Variants in TMEM132D observed in about 807,000 individuals in gnomAD.
The protein encoded by TMEM132D is transmembrane protein 132D, also known as mature OL transmembrane protein.
TMEM132D carries 21 observed loss-of-function variants against 62.3 expected under a neutral mutation model. That is an observed-to-expected ratio of 0.34 (90% CI 0.24 to 0.49). The LOEUF is 0.49. TMEM132D is among the 20% of genes least tolerant of loss of function. The pLI is 0.99. For missense variants in TMEM132D, 1,346 were observed against 1,402.8 expected, an observed-to-expected ratio of 0.96 and a Z score of 0.65; for synonymous variants, 621 against 575.6, an observed-to-expected ratio of 1.08 and a Z score of -1.13.
chr12:129,621,071 T>C (rs941459640), intron 2 of TMEM132D, among the ~76,000 whole-genome samples: 2 of 152,024 alleles, frequency 1.3e-5, no homozygotes, highest in Non-Finnish European at 2.9e-5. Flanking sequence ...CAAGTGGAGG[T>C]TGACACCCCT....
chr12:129,705,255 G>A (rs1013142554), intron 1 of TMEM132D, among the ~76,000 whole-genome samples: 24 of 152,162 alleles, frequency 1.6e-4, no homozygotes, highest in Admixed American at 1.1e-3. Flanking sequence ...AAACATTCCC[G>A]GGTTTATATA....
intron 2 of TMEM132D, among the ~76,000 whole-genome samples, chr12:129,618,799 C>G (rs1878987512): frequency 6.6e-6 from 1 of 152,138 alleles, no homozygotes; most frequent in South Asian, 2.1e-4. Flanking sequence ...CTCAGGAGGT[C>G]CTGACATGTG....
chr12:129,293,953 A>C (rs1459168980), intron 4 of TMEM132D, among the ~76,000 whole-genome samples: 1 of 152,240 alleles, frequency 6.6e-6, no homozygotes, highest in Admixed American at 6.5e-5. Flanking sequence ...AACACAACCA[A>C]AAATGAAGAG....
Position 129,337,869 on chromosome 12 carries a change from C to T in TMEM132D, c.1116-52G>A, listed in dbSNP as rs753965373. 5.9e-6 allele frequency: 9 copies of T among 1,529,440 alleles called. No homozygotes were observed. In the South Asian group the frequency reaches 1.1e-4, roughly 20 times the overall value. The allele number at this position is 1,529,440 out of a possible 1,614,324, so 94.7% of individuals were successfully genotyped here. A position where few individuals can be genotyped will look rare whatever the true frequency, so the allele number is the denominator to read the frequency against. ...GCTTTCAGGGACTGATGAGGTATGG[C>T]ACGCTTGGCAGAGAGTGGGCGGCCC... On this transcript the variant is annotated intron_variant, in intron 3 of 8. Coordinates refer to ENST00000422113, the MANE Select transcript of TMEM132D (RefSeq NM_133448.3).
intron 5 of TMEM132D, among the ~76,000 whole-genome samples, chr12:129,107,640 ACTACAG>A (rs1205722996): frequency 6.6e-6 from 1 of 152,200 alleles, no homozygotes; most frequent in Non-Finnish European, 1.5e-5. Flanking sequence ...AGTGCAGATA[ACTACAG>A]CTTTCCCCTC....
chr12:129,817,981 GGT>G (rs1203424561), intron 1 of TMEM132D, among the ~76,000 whole-genome samples: 13 of 148,522 alleles, frequency 8.8e-5, no homozygotes, highest in East Asian at 2.0e-4. Context: ...ATGTGTGTGT[GGT>G]GTGTGTGTGG....
intron 1 of TMEM132D, among the ~76,000 whole-genome samples, chr12:129,875,469 G>A (rs1326040890): frequency 6.6e-6 from 1 of 152,164 alleles, no homozygotes; most frequent in African/African-American, 2.4e-5. Flanking sequence ...CTGCGTTGCC[G>A]ACGTCCGACT....
At chr12:129,601,682 T>G (rs1334277072) in intron 2 of TMEM132D, among the ~76,000 whole-genome samples, 1 of 151,966 alleles carries the variant, frequency 6.6e-6, no homozygotes, top group Admixed American at 6.6e-5. Context: ...GGGAGAGAGA[T>G]AGAAGAATAG....
At chr12:129,593,249 T>G (rs1172334442) in intron 2 of TMEM132D, among the ~76,000 whole-genome samples, 3 of 152,200 alleles carry the variant, frequency 2.0e-5, no homozygotes. Flanking sequence ...GTTTGTTTGG[T>G]TGGTTTTCTT....
chr12:129,588,911 T>C (rs577927161), intron 2 of TMEM132D, among the ~76,000 whole-genome samples: 3 of 152,302 alleles, frequency 2.0e-5, no homozygotes, highest in East Asian at 3.9e-4. Context: ...GTACCATTCC[T>C]GAAAGCATTA....
At chr12:129,836,885 T>C (rs1002830218) in intron 1 of TMEM132D, among the ~76,000 whole-genome samples, 1 of 152,212 alleles carries the variant, frequency 6.6e-6, no homozygotes, top group African/African-American at 2.4e-5. Context: ...AAAAAACACA[T>C]TGTAGCTATA....
chr12:129,457,131 A>G (rs1412753463), intron 3 of TMEM132D, among the ~76,000 whole-genome samples: 1 of 151,920 alleles, frequency 6.6e-6, no homozygotes, highest in Non-Finnish European at 1.5e-5. Flanking sequence ...CTATAAAGAC[A>G]CATGCACACG....
intron 3 of TMEM132D, among the ~76,000 whole-genome samples, chr12:129,436,078 G>C (rs1872778527): frequency 6.6e-6 from 1 of 152,154 alleles, no homozygotes; most frequent in African/African-American, 2.4e-5. Flanking sequence ...CCTGTCTGAA[G>C]TGCAGCTGTG....
intron 2 of TMEM132D, among the ~76,000 whole-genome samples, chr12:129,571,351 G>T (rs1199571932): frequency 2.0e-5 from 3 of 152,170 alleles, no homozygotes; most frequent in South Asian, 2.1e-4. Context: ...GGATCATGAG[G>T]TCAGTAGTTC....
At chr12:129,396,440 G>A (rs1871435002) in intron 3 of TMEM132D, among the ~76,000 whole-genome samples, 1 of 152,204 alleles carries the variant, frequency 6.6e-6, no homozygotes. Flanking sequence ...AAACATTTGT[G>A]CAATTTCAAA....
chr12:129,609,044 G>A (rs903237462), intron 2 of TMEM132D, among the ~76,000 whole-genome samples: 5 of 151,556 alleles, frequency 3.3e-5, no homozygotes, highest in South Asian at 2.1e-4. Flanking sequence ...GGGTTCCAGC[G>A]ATTCTCCTGC....
At chr12:129,760,061 C>T (rs1363101727) in intron 1 of TMEM132D, among the ~76,000 whole-genome samples, 4 of 152,054 alleles carry the variant, frequency 2.6e-5, no homozygotes, top group Non-Finnish European at 4.4e-5. Flanking sequence ...TTTGCCATCA[C>T]ACCTGGCTAA....
At chr12:129,771,170 C>T (rs1445306065) in intron 1 of TMEM132D, among the ~76,000 whole-genome samples, 3 of 152,218 alleles carry the variant, frequency 2.0e-5, no homozygotes, top group African/African-American at 4.8e-5. Context: ...CACTCTAAGA[C>T]GAGGGTACTC....
At chr12:129,519,937 A>C (rs1426309935) in intron 3 of TMEM132D, among the ~76,000 whole-genome samples, 2 of 152,176 alleles carry the variant, frequency 1.3e-5, no homozygotes, top group African/African-American at 4.8e-5. Context: ...GGTATCAAGG[A>C]AACAACCAGG....
Sources: gnomAD v4.1 joint callset for allele counts (sites outside exome capture counted in the v4.1 genomes callset) on GRCh38, gnomAD v4.1.1 for gene constraint, MANE v1.5 for transcripts, NCBI Gene and HGNC (gene_info 2026-07-23, HGNC 2026-07-21) for gene names.